Variants in ANK3 observed in about 807,000 individuals in gnomAD.
ANK3 encodes the protein ankyrin-3.
In ANK3, 57 loss-of-function variants were observed where a neutral mutation model predicts 370.9. The ratio of observed to expected loss-of-function variants is 0.15; its 90% CI spans 0.12 to 0.19. The LOEUF (loss-of-function observed/expected upper bound fraction) is 0.19, where lower values mean the gene tolerates loss of function less well. Ranked by LOEUF, ANK3 falls within the 10% of genes least tolerant of loss-of-function variation. The pLI is 1.00. For missense variants in ANK3, 4,439 were observed against 5,302.1 expected (o/e 0.84, Z 5.06); for synonymous variants, 1,929 against 1,946.3 (o/e 0.99, Z 0.23).
chr10:60,455,688 T>C (rs2064728602), intron 2 of ANK3, among the ~76,000 whole-genome samples: 1 of 152,186 alleles, frequency 6.6e-6, no homozygotes, highest in Non-Finnish European at 1.5e-5. Context: ...CATCGTTGTA[T>C]ATATTTCAAA....
At chr10:60,336,090 C>CGGGG (rs112016027) in intron 1 of ANK3, among the ~76,000 whole-genome samples, 66 of 148,750 alleles carry the variant, frequency 4.4e-4, no homozygotes, top group African/African-American at 1.7e-3. Context: ...CATAGTTTGG[C>CGGGG]GGGGGGGGGA....
At chr10:60,573,086 A>G in intron 2 of ANK3, 2 of 798,936 alleles carry the variant, frequency 2.5e-6, no homozygotes, top group Non-Finnish European at 3.0e-6. Flanking sequence ...ATCAGGGCAT[A>G]CCGGAGGAGG....
At chr10:60,680,050 G>T (rs1037875806) in intron 1 of ANK3, among the ~76,000 whole-genome samples, 1 of 147,296 alleles carries the variant, frequency 6.8e-6, no homozygotes, top group Non-Finnish European at 1.5e-5. Flanking sequence ...CACAAGAATC[G>T]CTTAAACCCA....
intron 2 of ANK3, among the ~76,000 whole-genome samples, chr10:60,420,851 A>T (rs1291864301): frequency 6.6e-6 from 1 of 152,138 alleles, no homozygotes; most frequent in African/African-American, 2.4e-5. Flanking sequence ...TTGCACTGCT[A>T]GATATATATC....
chr10:60,240,306 A>ATATTT lies in ANK3; in HGVS notation c.799-5521_799-5520insAAATA, dbSNP rs11282162. Among the ~76,000 whole-genome samples, 264 of 119,746 alleles carry ATATTT rather than the reference A, an allele frequency of 2.2e-3. 18 individuals are homozygous for ATATTT. The East Asian group carries it at 0.024, about 11-fold the overall frequency. 78.6% of individuals were successfully genotyped at this position (119,746 alleles called of 152,430 possible). A position where few individuals can be genotyped will look rare whatever the true frequency, so the allele number is the denominator to read the frequency against. On this transcript the variant is annotated intron_variant, in intron 7 of 43. Coordinates refer to ENST00000280772, the MANE Select transcript of ANK3 (RefSeq NM_020987.5). The stretch of plus-strand genomic sequence containing the variant: ...CATATATATATATATATATATATAT[A>ATATTT]TTTTTTTTTCTTTTTGAGATAGAGT...
At chr10:60,126,974 G>C (rs536712071) in intron 25 of ANK3, among the ~76,000 whole-genome samples, 22 of 152,252 alleles carry the variant, frequency 1.4e-4, no homozygotes, top group African/African-American at 5.1e-4. Context: ...TCCAGGGATG[G>C]GGGAAGACTG....
At chr10:60,528,558 T>C (rs2076532344) in intron 2 of ANK3, among the ~76,000 whole-genome samples, 1 of 152,220 alleles carries the variant, frequency 6.6e-6, no homozygotes, top group African/African-American at 2.4e-5. Flanking sequence ...TTTGCAGTTT[T>C]ATACGGCTCA....
intron 18 of ANK3, among the ~76,000 whole-genome samples, chr10:60,177,597 T>A: frequency 7.1e-6 from 1 of 140,294 alleles, no homozygotes; most frequent in Non-Finnish European, 1.6e-5. Flanking sequence ...TCAAATCTTT[T>A]TTTTTTTTTT....
intron 28 of ANK3, 56 bp from the exon 29 acceptor site, chr10:60,088,414 T>G: frequency 6.9e-7 from 1 of 1,454,544 alleles, no homozygotes; most frequent in South Asian, 1.2e-5. Flanking sequence ...ACAACATACC[T>G]TAAGTCAAAA....
intron 2 of ANK3, among the ~76,000 whole-genome samples, chr10:60,583,045 AG>A (rs2077777083): frequency 6.6e-6 from 1 of 152,246 alleles, no homozygotes; most frequent in African/African-American, 2.4e-5. Flanking sequence ...AATATGTTGA[AG>A]AGATATCTGC....
intron 1 of ANK3, among the ~76,000 whole-genome samples, chr10:60,368,698 G>A (rs540945095): frequency 6.6e-6 from 1 of 152,264 alleles, no homozygotes; most frequent in East Asian, 1.9e-4. Flanking sequence ...ATAACAATTA[G>A]ACACAGAATG....
chr10:60,317,970 C>G (rs2047820824), intron 1 of ANK3, among the ~76,000 whole-genome samples: 1 of 151,886 alleles, frequency 6.6e-6, no homozygotes, highest in South Asian at 2.1e-4. Context: ...CCCGCCTCGG[C>G]CTTCATGAGA....
intron 1 of ANK3, among the ~76,000 whole-genome samples, chr10:60,360,383 A>T (rs951601418): frequency 2.0e-5 from 3 of 152,242 alleles, no homozygotes; most frequent in Admixed American, 2.0e-4. Flanking sequence ...TTGGTATGAA[A>T]TATTTCTTAC....
intron 18 of ANK3, among the ~76,000 whole-genome samples, chr10:60,180,044 A>G (rs1441791556): frequency 1.3e-5 from 2 of 152,162 alleles, no homozygotes; most frequent in Non-Finnish European, 2.9e-5. Context: ...GAATGAAGAC[A>G]TTTACCATAA....
intron 2 of ANK3, among the ~76,000 whole-genome samples, chr10:60,478,224 G>A (rs1453279808): frequency 6.6e-6 from 1 of 152,002 alleles, no homozygotes; most frequent in Non-Finnish European, 1.5e-5. Flanking sequence ...TTATTAGTCT[G>A]ACTCAATGGG....
rs763303135 is a variant in ANK3 at position 60,076,094 on chromosome 10, G to C, written c.4787C>G (p.Ser1596Cys). 6.2e-7 allele frequency: 1 copy of C among 1,614,198 alleles called. No individual in the cohort carries two copies. The highest frequency in any genetic ancestry group is 1.3e-5 in the African/African-American group (1 of 75,060). Residue 1596 changes from serine to cysteine, a missense_variant, in exon 37 of 44, where the codon TCT (serine) becomes TGT (cysteine). Ser to Cys is a moderately radical substitution (Grantham distance 112). Coordinates refer to ENST00000280772, the MANE Select transcript of ANK3 (RefSeq NM_020987.5). The part of the protein sequence containing the change: ...SQSPYNIQVS[S>C]GTLARAPAVT... ...TGCTGGAGCTCTAGCCAGGGTACCA[G>C]AGGAAACTTGGATATTGTATGGAGA...
intron 2 of ANK3, chr10:60,508,365 C>G (rs1277250197): frequency 6.6e-6 from 1 of 152,586 alleles, no homozygotes; most frequent in Non-Finnish European, 1.5e-5. Flanking sequence ...GGTAGAGATG[C>G]TTACTAAACC....
At chr10:60,211,049 C>T (rs938408119) in intron 9 of ANK3, among the ~76,000 whole-genome samples, 2 of 152,146 alleles carry the variant, frequency 1.3e-5, no homozygotes, top group African/African-American at 4.8e-5. Context: ...CAGCACACTG[C>T]TGGGAATAAA....
At chr10:60,233,407 C>T (rs953412724) in intron 8 of ANK3, among the ~76,000 whole-genome samples, 1 of 152,106 alleles carries the variant, frequency 6.6e-6, no homozygotes, top group African/African-American at 2.4e-5. Flanking sequence ...CTAGATTAGA[C>T]ATATTTGTGG....
Sources: allele counts gnomAD v4.1 joint callset (sites outside exome capture counted in the v4.1 genomes callset), GRCh38; gene constraint gnomAD v4.1.1; transcripts MANE v1.5; gene names NCBI Gene and HGNC (gene_info 2026-07-23, HGNC 2026-07-21).